POM121C: variants seen among roughly 807,000 people sequenced by gnomAD.
The protein encoded by POM121C is nuclear envelope pore membrane protein POM 121C.
POM121C carries 20 observed loss-of-function variants against 66.4 expected under a neutral mutation model. That is an observed-to-expected ratio of 0.30 (90% CI 0.21 to 0.44). POM121C has a LOEUF of 0.44. Among genes scored for constraint, POM121C ranks in the 20% least tolerant of loss-of-function variants. The pLI is 1.00. For missense variants in POM121C, 580 were observed against 1,225.7 expected (o/e 0.47, Z 7.87); for synonymous variants, 286 against 528.0 (o/e 0.54, Z 6.28).
In POM121C at chr7:75,441,129, C is replaced by T; in HGVS notation, c.66-14G>A. ...ATCTGCTCTGGTCTATAATGAAAGA[C>T]AAGATTCTAGCCGTAAGATATTTTA... On this transcript the variant is annotated splice_polypyrimidine_tract_variant and intron_variant, in intron 4 of 14. Coordinates refer to ENST00000615331, the MANE Select transcript of POM121C (RefSeq NM_001099415.3). The T allele has an allele frequency of 6.2e-7, 1 of 1,611,490 alleles. No homozygotes were observed.
chr7:75,429,099 A>C (rs6969582), intron 7 of POM121C, among the ~76,000 whole-genome samples: 13,646 of 152,230 alleles, frequency 0.09, 2,001 homozygotes, highest in African/African-American at 0.31. Flanking sequence ...ATATAACAAG[A>C]CAAGGATGTT....
rs1228901253 is a variant in POM121C at position 75,437,590 on chromosome 7, A to G, written c.405T>C (p.Ala135=). Residue 135 remains alanine (A), a synonymous_variant, in exon 7 of 15, where the codon GCT becomes GCC. Transcript: ENST00000615331. The part of the protein sequence containing the change: ...RSSSMSSLTG[A]YTSGIPSSSR... ...TGGAGCTAGGGATGCCACTTGTGTAAGCGCCTGTCAAGGAGCTCATGGAAG... is the reference window on the plus strand; with the variant it reads ...TGGAGCTAGGGATGCCACTTGTGTAGGCGCCTGTCAAGGAGCTCATGGAAG... 1 of 1,613,840 alleles carries G rather than the reference A, an allele frequency of 6.2e-7. No homozygotes were observed. The highest frequency in any genetic ancestry group is 1.3e-5 in the African/African-American group (1 of 74,914).
At chr7:75,435,174 C>T (rs754661160) in intron 7 of POM121C, among the ~76,000 whole-genome samples, 4 of 152,190 alleles carry the variant, frequency 2.6e-5, no homozygotes, top group African/African-American at 7.2e-5. Context: ...AACAACCCAA[C>T]GTTTGTCAAT....
chr7:75,474,308 C>T (rs1484499923), intron 3 of POM121C, among the ~76,000 whole-genome samples: 1 of 152,072 alleles, frequency 6.6e-6, no homozygotes, highest in African/African-American at 2.4e-5. Flanking sequence ...GAAGGAGAAT[C>T]GCTTGAACCT....
rs1408608434 is a variant in POM121C at position 75,417,189 on chromosome 7, G to T, written c.*1607C>A. 5 of 970,652 alleles carry T rather than the reference G, an allele frequency of 5.2e-6. No individual in the cohort carries two copies. The highest frequency in any genetic ancestry group is 5.3e-4 in the Middle Eastern group (1 of 1,896). 60.1% of individuals were successfully genotyped at this position (970,652 alleles called of 1,614,324 possible). A position where few individuals can be genotyped will look rare whatever the true frequency, so the allele number is the denominator to read the frequency against. ...CGCCCTCAGTCACAACGGGGAGGGGGCACCGGTTACATCTACATCACATTA... is the reference window on the plus strand; with the variant it reads ...CGCCCTCAGTCACAACGGGGAGGGGTCACCGGTTACATCTACATCACATTA... On this transcript the variant is annotated 3_prime_UTR_variant, in exon 15 of 15. Transcript: ENST00000615331.
In POM121C at chr7:75,481,030, A is replaced by AAT. The variant is rs201637708; in HGVS notation, c.-458+4832_-458+4833dup. 5.7e-3 allele frequency among the ~76,000 whole-genome samples: 784 copies of AAT among 137,030 alleles called. 8 individuals carry two copies. The highest frequency in any genetic ancestry group is 0.014 in the African/African-American group (553 of 38,542). The allele number at this position is 137,030 out of a possible 152,430, so 89.9% of individuals were successfully genotyped here. ...ATACCCACTCTCAAATAGTTCAAAA[A>AAT]ATATATATATATATATAAATATATA... On this transcript the variant is annotated intron_variant, in intron 1 of 14. Coordinates refer to ENST00000615331, the MANE Select transcript of POM121C (RefSeq NM_001099415.3).
chr7:75,466,878 T>C (rs1237817133), intron 3 of POM121C, among the ~76,000 whole-genome samples: 2 of 152,128 alleles, frequency 1.3e-5, no homozygotes, highest in East Asian at 1.9e-4. Flanking sequence ...CACCCAGCTC[T>C]CACCCTCATT....
chr7:75,426,823 TAGAAAA>T (rs1427980931), intron 7 of POM121C, among the ~76,000 whole-genome samples: 18 of 99,486 alleles, frequency 1.8e-4, no homozygotes, highest in African/African-American at 6.8e-4. Context: ...AAAAAAAAAA[TAGAAAA>T]TGAAAATGAA....
At chr7:75,441,253 T>C in intron 4 of POM121C, 138 bp from the exon 5 acceptor site, 2 of 1,417,346 alleles carry the variant, frequency 1.4e-6, no homozygotes, top group Non-Finnish European at 1.9e-6. Context: ...GTAAAGCTAC[T>C]TTTTCGTTAA....
intron 7 of POM121C, among the ~76,000 whole-genome samples, chr7:75,436,050 CA>C (rs34343428): frequency 6.1e-4 from 83 of 135,880 alleles, no homozygotes; most frequent in Admixed American, 5.8e-4. Context: ...GACTCCGTCT[CA>C]AAAAAAAAAA....
At chr7:75,479,657 TTTAA>T (rs1379376680) in intron 1 of POM121C, among the ~76,000 whole-genome samples, 2 of 146,030 alleles carry the variant, frequency 1.4e-5, no homozygotes, top group African/African-American at 5.1e-5. Context: ...ATAAATACAG[TTTAA>T]TTAACAACAA....
intron 3 of POM121C, among the ~76,000 whole-genome samples, chr7:75,468,844 A>G (rs1791770977): frequency 6.6e-6 from 1 of 152,190 alleles, no homozygotes; most frequent in Non-Finnish European, 1.5e-5. Context: ...CAACTTAGTG[A>G]GACCCCATCT....
intron 7 of POM121C, 43 bp downstream of exon 7, chr7:75,437,472 C>T (rs782506260): frequency 6.3e-7 from 1 of 1,578,242 alleles, no homozygotes; most frequent in Admixed American, 1.8e-5. Flanking sequence ...TGAATGAACG[C>T]TGGGAATTCA....
rs1790648389 is a variant in POM121C, at chr7:75,441,503, G to C, written c.-7C>G. 6.2e-7 allele frequency: 1 copy of C among 1,613,818 alleles called. No individual in the cohort carries two copies. The highest frequency in any genetic ancestry group is 1.3e-5 in the African/African-American group (1 of 74,916). On this transcript the variant is annotated 5_prime_UTR_variant, in exon 4 of 15. Coordinates refer to ENST00000615331, the MANE Select transcript of POM121C (RefSeq NM_001099415.3). ...TCACTGGGCTACACACCATCCTGGA[G>C]TTGCGAGGGGACAGCACAGCCTTCT...
At chr7:75,476,128 A>ATT (rs587610155) in intron 1 of POM121C, among the ~76,000 whole-genome samples, 1 of 152,136 alleles carries the variant, frequency 6.6e-6, no homozygotes, top group Non-Finnish European at 1.5e-5. Flanking sequence ...TAAAAATAAA[A>ATT]TTTTTTTAAA....
chr7:75,439,240 A>C lies in POM121C; in HGVS notation c.228-16T>G. 1 of 1,614,214 alleles carries C rather than the reference A, an allele frequency of 6.2e-7. No individual in the cohort carries two copies. The highest frequency in any genetic ancestry group is 8.5e-7 in the Non-Finnish European group (1 of 1,180,014). ...ATCATGGCGCCTGCGACAAATCAAAAAAGTCTCAAATGAAATGACATGACT... is the reference window on the plus strand; with the variant it reads ...ATCATGGCGCCTGCGACAAATCAAACAAGTCTCAAATGAAATGACATGACT... On this transcript the variant is annotated splice_polypyrimidine_tract_variant and intron_variant, in intron 5 of 14. Transcript: ENST00000615331.
intron 3 of POM121C, among the ~76,000 whole-genome samples, chr7:75,456,701 CA>C (rs1380918674): frequency 6.6e-6 from 1 of 152,274 alleles, no homozygotes; most frequent in Non-Finnish European, 1.5e-5. Context: ...CACACGGAAG[CA>C]AAATGTATTG....
chr7:75,471,410 G>A (rs1169860412), intron 3 of POM121C, among the ~76,000 whole-genome samples: 2 of 151,670 alleles, frequency 1.3e-5, no homozygotes, highest in African/African-American at 2.4e-5. Context: ...GTTGGCCAGG[G>A]TGGTCTCGAA....
intron 7 of POM121C, among the ~76,000 whole-genome samples, chr7:75,436,592 A>G (rs1226716920): frequency 1.3e-5 from 2 of 152,072 alleles, no homozygotes; most frequent in Non-Finnish European, 2.9e-5. Flanking sequence ...TGTCTCAAAA[A>G]CGTTTCTCCT....
Sources: allele counts gnomAD v4.1 joint callset (sites outside exome capture counted in the v4.1 genomes callset), GRCh38; gene constraint gnomAD v4.1.1; transcripts MANE v1.5; gene names NCBI Gene and HGNC (gene_info 2026-07-23, HGNC 2026-07-21).